The following TTC28 variants were observed in gnomAD, a reference collection of about 807,000 sequenced individuals.
The protein encoded by TTC28 is tetratricopeptide repeat protein 28.
A neutral mutation model predicts 198.0 loss-of-function variants in TTC28; 61 were observed. That is an observed-to-expected ratio of 0.31 (90% CI 0.25 to 0.38). The LOEUF (loss-of-function observed/expected upper bound fraction) is 0.38. Among genes scored for constraint, TTC28 ranks in the 10% least tolerant of loss-of-function variants. The pLI, the probability that TTC28 is intolerant of heterozygous loss-of-function variation, is 1.00. For missense variants in TTC28, 2,678 were observed against 3,164.0 expected (o/e 0.85, Z 3.69); for synonymous variants, 1,171 against 1,297.8 (o/e 0.90, Z 2.10).
At chr22:28,511,258 T>C (rs1424620706) in intron 2 of TTC28, among the ~76,000 whole-genome samples, 1 of 152,078 alleles carries the variant, frequency 6.6e-6, no homozygotes, top group Non-Finnish European at 1.5e-5. Flanking sequence ...CTTCAAACTA[T>C]ACTACAAGGC....
chr22:28,432,011 C>T (rs1163067684), intron 2 of TTC28, among the ~76,000 whole-genome samples: 4 of 148,198 alleles, frequency 2.7e-5, no homozygotes, highest in Admixed American at 1.3e-4. Context: ...ATAGGCCAGG[C>T]GCAGTGGCTC....
intron 2 of TTC28, among the ~76,000 whole-genome samples, chr22:28,318,515 C>T (rs561028761): frequency 6.6e-6 from 1 of 152,258 alleles, no homozygotes; most frequent in East Asian, 1.9e-4. Context: ...CCTTGAGTCA[C>T]CTGCTACCAT....
At chr22:28,484,070 C>T (rs1431780798) in intron 2 of TTC28, among the ~76,000 whole-genome samples, 1 of 152,112 alleles carries the variant, frequency 6.6e-6, no homozygotes, top group Non-Finnish European at 1.5e-5. Context: ...CTCCTATCAC[C>T]CCCAAAGTTT....
chr22:28,253,584 T>C (rs1482197727), intron 5 of TTC28, among the ~76,000 whole-genome samples: 2 of 152,218 alleles, frequency 1.3e-5, no homozygotes, highest in African/African-American at 4.8e-5. Flanking sequence ...GTATCCAATA[T>C]ATACTTGTTA....
Position 27,999,468 on chromosome 22 carries a change from C to T in TTC28, c.4399-208G>A, listed in dbSNP as rs530960757. 3.6e-5 allele frequency: 26 copies of T among 726,574 alleles called. 1 individual carries two copies. In the East Asian group the frequency reaches 6.5e-4, roughly 18 times the overall value. The allele number at this position is 726,574 out of a possible 1,614,324, so 45.0% of individuals were successfully genotyped here. ...TGAGAATCATGCCTGCTGTGATGAG[C>T]CCTTGGAAACCATCAGGACTGGATG... On this transcript the variant is annotated intron_variant, in intron 15 of 22. Coordinates refer to ENST00000397906, the MANE Select transcript of TTC28 (RefSeq NM_001145418.2).
intron 6 of TTC28, among the ~76,000 whole-genome samples, chr22:28,145,687 T>C (rs914379682): frequency 1.3e-5 from 2 of 152,222 alleles, no homozygotes; most frequent in African/African-American, 2.4e-5. Context: ...GATCAGAGTA[T>C]TGTGAAGGAT....
At chr22:28,520,628 T>A (rs1328659971) in intron 2 of TTC28, among the ~76,000 whole-genome samples, 1 of 152,162 alleles carries the variant, frequency 6.6e-6, no homozygotes, top group African/African-American at 2.4e-5. Flanking sequence ...CATGGTGGCA[T>A]GTGCCTGTGG....
chr22:28,213,664 G>A (rs889217940), intron 5 of TTC28, among the ~76,000 whole-genome samples: 3 of 145,202 alleles, frequency 2.1e-5, no homozygotes, highest in East Asian at 2.0e-4. Context: ...TCCATGCTCC[G>A]GGATAGGAAG....
intron 2 of TTC28, among the ~76,000 whole-genome samples, chr22:28,568,580 G>A (rs537867374): frequency 3.9e-5 from 6 of 152,018 alleles, no homozygotes; most frequent in Non-Finnish European, 5.9e-5. Flanking sequence ...TCCTAGCTAA[G>A]AGCCAAATCA....
intron 2 of TTC28, among the ~76,000 whole-genome samples, chr22:28,412,018 T>C (rs1244806989): frequency 1.3e-5 from 2 of 152,188 alleles, no homozygotes; most frequent in East Asian, 3.9e-4. Context: ...TCACTAGAAG[T>C]AATGAACAAA....
At chr22:28,102,468 G>C (rs1942182770) in intron 8 of TTC28, among the ~76,000 whole-genome samples, 1 of 152,216 alleles carries the variant, frequency 6.6e-6, no homozygotes, top group Non-Finnish European at 1.5e-5. Context: ...AGGGCTTTGT[G>C]AGAGTCAAAT....
At chr22:28,453,033 A>G (rs538280159) in intron 2 of TTC28, among the ~76,000 whole-genome samples, 2 of 152,306 alleles carry the variant, frequency 1.3e-5, no homozygotes, top group Admixed American at 1.3e-4. Context: ...AACAGTGATG[A>G]CTCAAGTTCT....
rs148320816 is a variant in TTC28, at chr22:28,479,943, A to C, written c.381+149609T>G. 1.0e-3 allele frequency among the ~76,000 whole-genome samples: 153 copies of C among 152,300 alleles called. 1 individual carries two copies. The highest frequency in any genetic ancestry group is 1.9e-3 in the South Asian group (9 of 4,816). ...ATTCATATTTTTAAAACATTTATTG[A>C]ATAATATAAGAAATGAAAAATAAAA... is the stretch of plus-strand genomic sequence containing the variant. On this transcript the variant is annotated intron_variant, in intron 2 of 22. Transcript: ENST00000397906.
At chr22:28,080,969 T>C (rs1313480999) in intron 12 of TTC28, among the ~76,000 whole-genome samples, 3 of 152,186 alleles carry the variant, frequency 2.0e-5, no homozygotes, top group Non-Finnish European at 4.4e-5. Flanking sequence ...GTTGCCTTTG[T>C]ACCCTTGTCG....
rs895860524 is a variant in TTC28, at chr22:28,089,603, G to GT, written c.3932+4476dup. Among the ~76,000 whole-genome samples the GT allele has an allele frequency of 4.7e-5, 7 of 148,212 alleles. No homozygotes were observed. In the Admixed American group the frequency reaches 4.7e-4, roughly 10 times the overall value. On this transcript the variant is annotated intron_variant, in intron 12 of 22. Coordinates refer to ENST00000397906, the MANE Select transcript of TTC28 (RefSeq NM_001145418.2). ...TGGGTGCAGCACACCAGCATGGCAC[G>GT]TGTATACATATGTAACTAACCTGCA... is the stretch of plus-strand genomic sequence containing the variant.
At chr22:28,334,487 A>G (rs1808307162) in intron 2 of TTC28, among the ~76,000 whole-genome samples, 2 of 152,120 alleles carry the variant, frequency 1.3e-5, no homozygotes, top group Non-Finnish European at 1.5e-5. Flanking sequence ...AAGTGTTCCT[A>G]TTTCTCCACA....
At chr22:28,217,837 C>T (rs1308606794) in intron 5 of TTC28, among the ~76,000 whole-genome samples, 1 of 152,034 alleles carries the variant, frequency 6.6e-6, no homozygotes, top group African/African-American at 2.4e-5. Flanking sequence ...CCTTTACATG[C>T]TAATATAAAT....
At chr22:28,149,465 C>T (rs888641012) in intron 6 of TTC28, among the ~76,000 whole-genome samples, 1 of 152,084 alleles carries the variant, frequency 6.6e-6, no homozygotes, top group African/African-American at 2.4e-5. Flanking sequence ...ATGGATGAAC[C>T]TAGGGAATGC....
At chr22:28,226,576 G>A (rs910716116) in intron 5 of TTC28, among the ~76,000 whole-genome samples, 4 of 151,930 alleles carry the variant, frequency 2.6e-5, no homozygotes, top group South Asian at 2.1e-4. Flanking sequence ...ACAGGTGGGC[G>A]CTACCACACT....
Sources: gnomAD v4.1 joint callset for allele counts (sites outside exome capture counted in the v4.1 genomes callset) on GRCh38, gnomAD v4.1.1 for gene constraint, MANE v1.5 for transcripts, NCBI Gene and HGNC (gene_info 2026-07-23, HGNC 2026-07-21) for gene names.